The following PAX8 variants were observed in gnomAD, a reference collection of about 807,000 sequenced individuals.
The protein encoded by PAX8 is paired box 8, also known as paired box protein Pax-8.
Under a neutral mutation model 52.4 loss-of-function variants are expected in PAX8, and 15 were observed. The ratio of observed to expected loss-of-function variants is 0.29; its 90% confidence interval spans 0.19 to 0.44. The LOEUF (loss-of-function observed/expected upper bound fraction) is 0.44. PAX8 is among the 20% of genes least tolerant of loss of function. PAX8 has a pLI of 1.00. For synonymous variants in PAX8, 284 were observed against 249.7 expected, an observed-to-expected ratio of 1.14 and a Z score of -1.29; for missense variants, 554 against 602.5, an observed-to-expected ratio of 0.92 and a Z score of 0.84.
intron 2 of PAX8, among the ~76,000 whole-genome samples, chr2:113,260,932 C>A (rs1692632221): frequency 1.3e-5 from 2 of 148,978 alleles, no homozygotes; most frequent in Admixed American, 6.7e-5. Flanking sequence ...GTTGCAGAGT[C>A]TTCAGGGTGG....
Position 113,278,837 on chromosome 2 carries a change from G to A in PAX8, c.-82C>T, listed in dbSNP as rs1573566030. On this transcript the variant is annotated 5_prime_UTR_variant, in exon 1 of 12. Transcript: ENST00000429538. ...TAACCCCTGGGTGACATACCTGGCC[G>A]GCCGGCTGCAGGCCCTCACTGCTTG... is the stretch of plus-strand genomic sequence containing the variant. 8 of 1,068,646 alleles carry A rather than the reference G, an allele frequency of 7.5e-6. No homozygotes were observed. In the East Asian group the frequency reaches 2.0e-4, roughly 27 times the overall value. 66.2% of individuals were successfully genotyped at this position (1,068,646 alleles called of 1,614,324 possible). A position where few individuals can be genotyped will look rare whatever the true frequency, so the allele number is the denominator to read the frequency against.
chr2:113,218,261 C>T lies in PAX8; in HGVS notation c.*272G>A. The T allele has an allele frequency of 2.7e-6, 1 of 374,352 alleles. No homozygotes were observed. The highest frequency in any genetic ancestry group is 4.8e-6 in the Non-Finnish European group (1 of 209,964). 23.2% of individuals were successfully genotyped at this position (374,352 alleles called of 1,614,324 possible). A position where few individuals can be genotyped will look rare whatever the true frequency, so the allele number is the denominator to read the frequency against. ...TGGGTACCGGCTGGGGGCTACATTTCTTCTTCAATTTTGTCTTTTTCAGCA... is the reference window on the plus strand; with the variant it reads ...TGGGTACCGGCTGGGGGCTACATTTTTTCTTCAATTTTGTCTTTTTCAGCA... On this transcript the variant is annotated 3_prime_UTR_variant, in exon 12 of 12. Transcript: ENST00000429538.
chr2:113,226,689 C>T, intron 10 of PAX8: 1 of 1,120,038 alleles, frequency 8.9e-7, no homozygotes. Context: ...TCATCATCAT[C>T]ATCAATACCC....
chr2:113,255,168 G>A (rs1307045482), intron 2 of PAX8, among the ~76,000 whole-genome samples: 3 of 96,106 alleles, frequency 3.1e-5, no homozygotes, highest in Non-Finnish European at 7.4e-5. Context: ...AAGAAAAAAA[G>A]AAGGAAGGAG....
At chr2:113,251,669 G>A (rs1691776555) in intron 2 of PAX8, among the ~76,000 whole-genome samples, 1 of 152,176 alleles carries the variant, frequency 6.6e-6, no homozygotes, top group African/African-American at 2.4e-5. Flanking sequence ...ATTCAGGGAG[G>A]TCTTAGGACT....
Position 113,220,067 on chromosome 2 carries a change from G to A in PAX8, c.1276+25C>T, listed in dbSNP as rs934313946. On this transcript the variant is annotated intron_variant, in intron 11 of 11. Transcript: ENST00000429538. ...CACTCCATCCATCCTGCCCAGCAGAGGCCTGGGCAGCCCCAGGGACTTACT... is the reference window on the plus strand; with the variant it reads ...CACTCCATCCATCCTGCCCAGCAGAAGCCTGGGCAGCCCCAGGGACTTACT... 3.2e-6 allele frequency: 5 copies of A among 1,557,796 alleles called. No homozygotes were observed. In the African/African-American group the frequency reaches 5.4e-5, roughly 17 times the overall value.
At chr2:113,267,525 A>G (rs1185446184) in intron 2 of PAX8, 3 of 152,198 alleles carry the variant, frequency 2.0e-5, no homozygotes, top group Non-Finnish European at 4.4e-5. Flanking sequence ...CAGACCTTAA[A>G]CCACAGGTTG....
At chr2:113,254,594 A>G (rs1692049454) in intron 2 of PAX8, among the ~76,000 whole-genome samples, 2 of 152,144 alleles carry the variant, frequency 1.3e-5, no homozygotes, top group African/African-American at 4.8e-5. Flanking sequence ...TATCACTCCC[A>G]TATTTAAGAA....
At chr2:113,274,506 C>T (rs1047403783) in intron 2 of PAX8, 3 of 152,194 alleles carry the variant, frequency 2.0e-5, no homozygotes, top group Admixed American at 2.0e-4. Flanking sequence ...TCTCCAGCTA[C>T]CTTCTCCCTT....
At chr2:113,274,536 T>C (rs906233443) in intron 2 of PAX8, 2 of 152,202 alleles carry the variant, frequency 1.3e-5, no homozygotes, top group African/African-American at 4.8e-5. Context: ...TCCACCCCCA[T>C]TGCCTCCTTT....
rs574230421 is a variant in PAX8 at position 113,275,078 on chromosome 2, G to T, written c.25+3292C>A. On this transcript the variant is annotated intron_variant, in intron 2 of 11. Coordinates refer to ENST00000429538, the MANE Select transcript of PAX8 (RefSeq NM_003466.4). ...CCTTTGTCTTCTTCAACAAAATTAG[G>T]CAGAGTCCTTTTGGGGGTAGACTGA... 2.0e-5 allele frequency: 3 copies of T among 152,068 alleles called. No homozygotes were observed. In the South Asian group the frequency reaches 6.2e-4, roughly 32 times the overall value. 9.4% of individuals were successfully genotyped at this position (152,068 alleles called of 1,614,324 possible). A position where few individuals can be genotyped will look rare whatever the true frequency, so the allele number is the denominator to read the frequency against.
At chr2:113,249,977 A>G (rs972617354) in intron 2 of PAX8, among the ~76,000 whole-genome samples, 2 of 152,104 alleles carry the variant, frequency 1.3e-5, no homozygotes, top group African/African-American at 4.8e-5. Flanking sequence ...CCCTATAAGA[A>G]GATAGGGGGG....
At chr2:113,241,514 G>T (rs1309313882) in intron 7 of PAX8, 37 bp downstream of exon 7, 4 of 1,565,420 alleles carry the variant, frequency 2.6e-6, no homozygotes, top group Admixed American at 3.7e-5. Context: ...TCTGGCCCTT[G>T]CCCACCCTGT....
chr2:113,278,765 C>T lies in PAX8; in HGVS notation c.-76+66G>A, dbSNP rs1267831959. The T allele has an allele frequency of 8.6e-6, 7 of 812,276 alleles. No individual in the cohort carries two copies. In the African/African-American group the frequency reaches 1.1e-4, roughly 12 times the overall value. The allele number at this position is 812,276 out of a possible 1,614,324, so 50.3% of individuals were successfully genotyped here. A position where few individuals can be genotyped will look rare whatever the true frequency, so the allele number is the denominator to read the frequency against. On this transcript the variant is annotated intron_variant, in intron 1 of 11. Coordinates refer to ENST00000429538, the MANE Select transcript of PAX8 (RefSeq NM_003466.4). ...AAAGGCTGCCAGGCATCCTGGGACCCTCTCCTTTCTTCCATCCCCCGTCCT... is the reference window on the plus strand; with the variant it reads ...AAAGGCTGCCAGGCATCCTGGGACCTTCTCCTTTCTTCCATCCCCCGTCCT...
intron 9 of PAX8, among the ~76,000 whole-genome samples, chr2:113,232,640 C>T (rs1689964805): frequency 6.6e-6 from 1 of 152,158 alleles, no homozygotes; most frequent in African/African-American, 2.4e-5. Context: ...TAACAGCTGA[C>T]AGTAGTTGGA....
intron 10 of PAX8, among the ~76,000 whole-genome samples, chr2:113,222,280 A>G (rs962266821): frequency 7.9e-5 from 12 of 152,314 alleles, no homozygotes; most frequent in African/African-American, 2.4e-4. Flanking sequence ...ACCCTACCCA[A>G]TGGCAAACAC....
intron 3 of PAX8, 148 bp downstream of exon 3, chr2:113,246,606 C>A: frequency 1.2e-6 from 1 of 806,726 alleles, no homozygotes; most frequent in Non-Finnish European, 2.0e-6. Context: ...CCAGAAGGAC[C>A]ACCATAACTG....
chr2:113,232,314 TTTGCC>T, intron 9 of PAX8, among the ~76,000 whole-genome samples: 1 of 152,170 alleles, frequency 6.6e-6, no homozygotes, highest in Non-Finnish European at 1.5e-5. Flanking sequence ...CTCTTGGCCA[TTTGCC>T]TGGACCCCAG....
chr2:113,264,793 G>A (rs1692940269), intron 2 of PAX8, among the ~76,000 whole-genome samples: 1 of 152,178 alleles, frequency 6.6e-6, no homozygotes, highest in African/African-American at 2.4e-5. Flanking sequence ...GAAGGAGGTG[G>A]AGCTTGACTG....
Sources: allele counts gnomAD v4.1 joint callset (sites outside exome capture counted in the v4.1 genomes callset), GRCh38; gene constraint gnomAD v4.1.1; transcripts MANE v1.5; gene names NCBI Gene and HGNC (gene_info 2026-07-23, HGNC 2026-07-21).